The following RBFOX1 variants were observed in gnomAD, a reference collection of about 807,000 sequenced individuals.
RBFOX1 encodes RNA binding fox-1 homolog 1, also known as RNA binding protein fox-1 homolog 1.
In RBFOX1, 8 loss-of-function variants were observed where a neutral mutation model predicts 57.7. The observed-to-expected ratio is 0.14, with a 90% confidence interval of 0.08 to 0.25. The LOEUF (loss-of-function observed/expected upper bound fraction) is 0.25, where lower values mean the gene tolerates loss of function less well. RBFOX1 is among the 10% of genes least tolerant of loss of function. RBFOX1 has a pLI of 1.00. For missense variants in RBFOX1, 611 were observed against 548.5 expected (o/e 1.11, Z -1.14); for synonymous variants, 326 against 222.4 (o/e 1.47, Z -4.15).
At chr16:7,218,482 T>A (rs1603303888) in intron 4 of RBFOX1, among the ~76,000 whole-genome samples, 1 of 152,108 alleles carries the variant, frequency 6.6e-6, no homozygotes, top group East Asian at 1.9e-4. Flanking sequence ...AGAGGCATAG[T>A]TGAGAGAGAA....
intron 5 of RBFOX1, among the ~76,000 whole-genome samples, chr16:7,525,204 C>A (rs1042689430): frequency 6.6e-6 from 1 of 152,116 alleles, no homozygotes; most frequent in Non-Finnish European, 1.5e-5. Context: ...CTCAAAATTA[C>A]AGAATTGAAA....
At chr16:7,458,670 A>G (rs1301142294) in intron 4 of RBFOX1, among the ~76,000 whole-genome samples, 1 of 151,834 alleles carries the variant, frequency 6.6e-6, no homozygotes, top group African/African-American at 2.4e-5. Flanking sequence ...TTTTGTCTAG[A>G]ATGCAATTTT....
At chr16:6,122,745 C>G (rs573279487) in intron 1 of RBFOX1, among the ~76,000 whole-genome samples, 2 of 151,418 alleles carry the variant, frequency 1.3e-5, no homozygotes, top group South Asian at 2.1e-4. Context: ...AGCCACGGGA[C>G]CTTTGTCATC....
intron 4 of RBFOX1, among the ~76,000 whole-genome samples, chr16:7,448,927 G>GTTTTTTTTTTTTTTTTTT (rs71147700): frequency 8.4e-5 from 7 of 82,978 alleles, no homozygotes; most frequent in Admixed American, 1.9e-4. Flanking sequence ...TCTTTCCCCT[G>GTTTTTTTTTTTTTTTTTT]TTTTTTTTTT....
chr16:6,504,460 T>G (rs1179686330), intron 2 of RBFOX1, among the ~76,000 whole-genome samples: 1 of 152,152 alleles, frequency 6.6e-6, no homozygotes, highest in East Asian at 1.9e-4. Context: ...ACCGGGGTAG[T>G]ATAGAGTGAG....
chr16:7,565,508 G>A (rs1423454588), intron 5 of RBFOX1, among the ~76,000 whole-genome samples: 5 of 152,128 alleles, frequency 3.3e-5, no homozygotes, highest in African/African-American at 9.7e-5. Flanking sequence ...ACTGAGAGAG[G>A]GGGACCGTGG....
chr16:7,518,037 AC>A (rs2076749052), intron 4 of RBFOX1, 109 bp from the exon 5 acceptor site: 1 of 1,341,016 alleles, frequency 7.5e-7, no homozygotes, highest in Admixed American at 2.3e-5. Flanking sequence ...CACCATGGTG[AC>A]CCCTAGAAAG....
chr16:7,594,853 T>C (rs1427658258), intron 7 of RBFOX1, among the ~76,000 whole-genome samples: 1 of 152,218 alleles, frequency 6.6e-6, no homozygotes, highest in African/African-American at 2.4e-5. Context: ...GTGGGGAAAG[T>C]ATGAGCACAA....
intron 3 of RBFOX1, among the ~76,000 whole-genome samples, chr16:5,817,522 G>T (rs1010145970): frequency 6.6e-6 from 1 of 152,148 alleles, no homozygotes; most frequent in Non-Finnish European, 1.5e-5. Context: ...TCATAGCTCA[G>T]GGAACAGGAG....
intron 1 of RBFOX1, among the ~76,000 whole-genome samples, chr16:5,339,509 G>C (rs1301420316): frequency 3.8e-5 from 2 of 52,472 alleles, no homozygotes; most frequent in African/African-American, 1.0e-4. Flanking sequence ...TTGAGATGGA[G>C]TCTTGCTGGG....
intron 4 of RBFOX1, among the ~76,000 whole-genome samples, chr16:7,156,314 A>G (rs2077121168): frequency 9.0e-6 from 1 of 111,170 alleles, no homozygotes. Context: ...TATTATACAT[A>G]TATAGACTTG....
rs182353063 is a variant in RBFOX1 at position 7,326,389 on chromosome 16, A to G, written c.28-191758A>G. 1.9e-3 allele frequency among the ~76,000 whole-genome samples: 292 copies of G among 152,226 alleles called. 1 individual carries two copies. Among genetic ancestry groups the G allele is most frequent in the African/African-American group, 6.4e-3 (265 of 41,542 alleles). On this transcript the variant is annotated intron_variant, in intron 4 of 15. Coordinates refer to ENST00000550418, the MANE Select transcript of RBFOX1 (RefSeq NM_018723.4). ...GACTGCTTGTGGAAGGATGGGATGT[A>G]TATATAAGCAGTTTTACTGGGGGGA...
intron 14 of RBFOX1, among the ~76,000 whole-genome samples, chr16:7,698,503 T>C (rs1054159721): frequency 3.3e-5 from 5 of 152,070 alleles, no homozygotes; most frequent in African/African-American, 1.2e-4. Flanking sequence ...CACCAGCGCC[T>C]TTCATTTTTC....
chr16:6,476,266 TCTACAAATATCC>T (rs1019435433), intron 2 of RBFOX1, among the ~76,000 whole-genome samples: 1 of 152,164 alleles, frequency 6.6e-6, no homozygotes, highest in African/African-American at 2.4e-5. Context: ...GGGGTGTGTG[TCTACAAATATCC>T]GTAGAGACAT....
chr16:7,204,022 C>G (rs565116247), intron 4 of RBFOX1, among the ~76,000 whole-genome samples: 2 of 152,354 alleles, frequency 1.3e-5, no homozygotes, highest in East Asian at 3.9e-4. Flanking sequence ...CAATCTTTAA[C>G]TAACATTTCG....
intron 2 of RBFOX1, among the ~76,000 whole-genome samples, chr16:6,325,536 T>A (rs1444915129): frequency 1.3e-5 from 2 of 152,136 alleles, no homozygotes; most frequent in African/African-American, 4.8e-5. Context: ...AACTAAAGAG[T>A]AGCTCTGCTT....
rs138601103 is a variant in RBFOX1 at position 6,619,881 on chromosome 16, C to T, written c.-63-34722C>T. On this transcript the variant is annotated intron_variant, in intron 2 of 15. Coordinates refer to ENST00000550418, the MANE Select transcript of RBFOX1 (RefSeq NM_018723.4). ...TCCCACCCTCCACCCTACAATAGGC[C>T]GCAGTTTGTGTTGTTCCCCTCTGTG... is the stretch of plus-strand genomic sequence containing the variant. Among the ~76,000 whole-genome samples the T allele has an allele frequency of 5.9e-5, 9 of 152,022 alleles. 1 individual carries two copies. The highest frequency in any genetic ancestry group is 5.8e-4 in the East Asian group (3 of 5,160).
At chr16:5,250,131 C>CA (rs57722756) in intron 1 of RBFOX1, among the ~76,000 whole-genome samples, 75,576 of 141,596 alleles carry the variant, frequency 0.53, 19,330 homozygotes, top group East Asian at 0.64. Context: ...TGTGTCTCAA[C>CA]AAAAAAAAAA....
chr16:7,453,648 TA>T (rs201517786), intron 4 of RBFOX1, among the ~76,000 whole-genome samples: 1,805 of 152,174 alleles, frequency 0.012, 36 homozygotes, highest in African/African-American at 0.041. Flanking sequence ...AGAGGATGTG[TA>T]AAACATCCAC....
Sources: allele counts gnomAD v4.1 joint callset (sites outside exome capture counted in the v4.1 genomes callset), GRCh38; gene constraint gnomAD v4.1.1; transcripts MANE v1.5; gene names NCBI Gene and HGNC (gene_info 2026-07-23, HGNC 2026-07-21).